NPAS2: variants seen among roughly 807,000 people sequenced by gnomAD.
NPAS2 encodes the protein neuronal PAS domain protein 2, also known as neuronal PAS domain-containing protein 2.
NPAS2 carries 23 observed loss-of-function variants against 107.5 expected under a neutral mutation model. The observed-to-expected ratio is 0.21, with a 90% CI of 0.15 to 0.30. The LOEUF is 0.30. Among genes scored for constraint, NPAS2 ranks in the 10% least tolerant of loss-of-function variants. NPAS2 has a pLI of 1.00. For synonymous variants in NPAS2, 403 were observed against 417.5 expected, an observed-to-expected ratio of 0.97 and a Z score of 0.42; for missense variants, 756 against 1,043.3, an observed-to-expected ratio of 0.72 and a Z score of 3.79.
At chr2:100,863,391 C>T (rs1486585738) in intron 1 of NPAS2, among the ~76,000 whole-genome samples, 1 of 152,166 alleles carries the variant, frequency 6.6e-6, no homozygotes, top group Non-Finnish European at 1.5e-5. Flanking sequence ...TGAGCCCTTT[C>T]CTGAGTTGCT....
chr2:100,852,009 A>G (rs1182071138), intron 1 of NPAS2, among the ~76,000 whole-genome samples: 1 of 152,204 alleles, frequency 6.6e-6, no homozygotes, highest in Non-Finnish European at 1.5e-5. Flanking sequence ...TGGTTCTTGC[A>G]ATAACCAAAT....
At chr2:100,971,372 G>A (rs1558924893) in intron 12 of NPAS2, among the ~76,000 whole-genome samples, 1 of 151,206 alleles carries the variant, frequency 6.6e-6, no homozygotes, top group Non-Finnish European at 1.5e-5. Flanking sequence ...ACGGCTCGGC[G>A]ACTTTCCAGC....
intron 2 of NPAS2, among the ~76,000 whole-genome samples, chr2:100,915,081 C>T (rs1682790472): frequency 6.6e-6 from 1 of 152,114 alleles, no homozygotes; most frequent in African/African-American, 2.4e-5. Context: ...TTAAATCTGC[C>T]CTTTTTTGTT....
intron 4 of NPAS2, among the ~76,000 whole-genome samples, chr2:100,933,702 C>G (rs1227416141): frequency 6.6e-6 from 1 of 152,186 alleles, no homozygotes; most frequent in South Asian, 2.1e-4. Flanking sequence ...TAAGCCTCTA[C>G]AGAAACAACT....
At chr2:100,980,471 T>TTA (rs1317571848) in intron 15 of NPAS2, among the ~76,000 whole-genome samples, 2 of 152,016 alleles carry the variant, frequency 1.3e-5, no homozygotes, top group African/African-American at 4.8e-5. Context: ...TTATTTTTGT[T>TTA]TATATATATA....
chr2:100,958,238 G>T (rs1165725531), intron 7 of NPAS2, among the ~76,000 whole-genome samples: 1 of 152,218 alleles, frequency 6.6e-6, no homozygotes, highest in Non-Finnish European at 1.5e-5. Flanking sequence ...AATACTGGCA[G>T]AAGTGGAGGC....
In NPAS2 at chr2:100,904,803, C is replaced by T. The variant is rs754699906; in HGVS notation, c.32+17C>T. ...AGCCAAGAGGTAAGATGCAGCTGTC[C>T]CCCTGCTCAGCAGAGCTCTCTGGCC... On this transcript the variant is annotated intron_variant, in intron 2 of 20. Coordinates refer to ENST00000335681, the MANE Select transcript of NPAS2 (RefSeq NM_002518.4). 3 of 1,592,572 alleles carry T rather than the reference C, an allele frequency of 1.9e-6. No homozygotes were observed. The highest frequency in any genetic ancestry group is 1.7e-5 in the Admixed American group (1 of 58,454).
intron 1 of NPAS2, among the ~76,000 whole-genome samples, chr2:100,874,785 G>A (rs1468655686): frequency 6.6e-6 from 1 of 152,028 alleles, no homozygotes; most frequent in Admixed American, 6.6e-5. Context: ...TTTTCTGCAA[G>A]CGTTCTCACA....
At position 100,878,436 on chromosome 2, in the gene NPAS2, G is replaced by A. The variant is rs966239364; in HGVS notation, c.-22-26297G>A. The A allele has an allele frequency of 3.0e-6, 3 of 985,290 alleles. No individual in the cohort carries two copies. The African/African-American group carries it at 5.2e-5, about 17-fold the overall frequency. 61.0% of individuals were successfully genotyped at this position (985,290 alleles called of 1,614,324 possible). A position where few individuals can be genotyped will look rare whatever the true frequency, so the allele number is the denominator to read the frequency against. ...TTTCCAGCGTTGGACAAGGACATGA[G>A]AAAGACCCACAGCAACAAGCTGGAG... On this transcript the variant is annotated intron_variant, in intron 1 of 20. Transcript: ENST00000335681.
At chr2:100,883,314 G>C (rs1680493407) in intron 1 of NPAS2, among the ~76,000 whole-genome samples, 1 of 152,216 alleles carries the variant, frequency 6.6e-6, no homozygotes, top group Admixed American at 6.5e-5. Flanking sequence ...CTGGGTCAGA[G>C]ATGGTGCAGG....
chr2:100,939,486 A>G lies in NPAS2; in HGVS notation c.363+1644A>G, dbSNP rs1281155830. Among the ~76,000 whole-genome samples, 6 of 152,160 alleles carry G rather than the reference A, an allele frequency of 3.9e-5. No homozygotes were observed. In the East Asian group the frequency reaches 1.2e-3, roughly 29 times the overall value. On this transcript the variant is annotated intron_variant, in intron 5 of 20. Transcript: ENST00000335681. ...GATTTTCATCTCTGGCCAGGAAGCT[A>G]GTGATGGGGCTGACACCATGAATAC...
At chr2:100,929,438 A>C (rs1028063636) in intron 3 of NPAS2, among the ~76,000 whole-genome samples, 1 of 152,112 alleles carries the variant, frequency 6.6e-6, no homozygotes, top group Non-Finnish European at 1.5e-5. Context: ...GTCCATTTAG[A>C]CTGCTGGTTC....
intron 7 of NPAS2, chr2:100,962,834 G>A (rs1675990795): frequency 6.6e-6 from 1 of 152,242 alleles, no homozygotes; most frequent in Non-Finnish European, 1.5e-5. Context: ...GCTACTGCAG[G>A]TGTGAGACGG....
chr2:100,927,783 A>G (rs1442338191), intron 3 of NPAS2, among the ~76,000 whole-genome samples: 3 of 152,072 alleles, frequency 2.0e-5, no homozygotes, highest in East Asian at 3.9e-4. Flanking sequence ...CTCTCCTTCA[A>G]ACACTTTTAC....
intron 3 of NPAS2, among the ~76,000 whole-genome samples, chr2:100,930,727 C>G (rs186563027): frequency 6.6e-6 from 1 of 151,976 alleles, no homozygotes; most frequent in Non-Finnish European, 1.5e-5. Context: ...ATTATGCTAG[C>G]GTTAACAAAA....
intron 1 of NPAS2, among the ~76,000 whole-genome samples, chr2:100,831,260 C>T (rs1676717257): frequency 6.6e-6 from 1 of 152,044 alleles, no homozygotes; most frequent in Admixed American, 6.6e-5. Context: ...TGCGCCATTG[C>T]ACTCCAGCCT....
At chr2:100,921,875 A>G (rs1683248722) in intron 2 of NPAS2, among the ~76,000 whole-genome samples, 2 of 152,158 alleles carry the variant, frequency 1.3e-5, no homozygotes, top group Non-Finnish European at 2.9e-5. Context: ...AGATCTGTAC[A>G]TGAGTGTTCA....
intron 1 of NPAS2, among the ~76,000 whole-genome samples, chr2:100,884,847 T>A (rs1320926036): frequency 6.6e-6 from 1 of 152,162 alleles, no homozygotes; most frequent in African/African-American, 2.4e-5. Context: ...TTAGAAGGAC[T>A]TAGTACTTCT....
chr2:100,913,159 C>T (rs12989454), intron 2 of NPAS2, among the ~76,000 whole-genome samples: 22,000 of 152,118 alleles, frequency 0.14, 1,776 homozygotes, highest in South Asian at 0.18. Context: ...TAGCTCCTCA[C>T]CATAGAGACC....
Sources: gnomAD v4.1 joint callset for allele counts (sites outside exome capture counted in the v4.1 genomes callset) on GRCh38, gnomAD v4.1.1 for gene constraint, MANE v1.5 for transcripts, NCBI Gene and HGNC (gene_info 2026-07-23, HGNC 2026-07-21) for gene names.